Variants in DNAL1 observed in about 807,000 individuals in gnomAD.
DNAL1 encodes chromosome 14 open reading frame 168.
In DNAL1, 17 loss-of-function variants were observed where a neutral mutation model predicts 29.4. The ratio of observed to expected loss-of-function variants is 0.58; its 90% CI spans 0.40 to 0.87. The LOEUF (loss-of-function observed/expected upper bound fraction) is 0.87. DNAL1 is among the 40% of genes least tolerant of loss of function. The probability of loss-of-function intolerance (pLI) is 0.00; values close to 1 mark genes in which losing one functional copy is unlikely to be tolerated. For missense variants in DNAL1, 188 were observed against 214.1 expected (o/e 0.88, Z 0.76); for synonymous variants, 78 against 76.3 (o/e 1.02, Z -0.12).
intron 1 of DNAL1, among the ~76,000 whole-genome samples, chr14:73,649,187 G>A (rs1477668244): frequency 6.6e-6 from 1 of 151,768 alleles, no homozygotes; most frequent in African/African-American, 2.4e-5. Context: ...TGTTGACCAG[G>A]CTGGTCTCGA....
rs1555403337 is a variant in DNAL1, at chr14:73,691,856, C to CCCG, written c.532+2343_532+2344insGCC. 1.4e-5 allele frequency among the ~76,000 whole-genome samples: 2 copies of CCCG among 147,466 alleles called. 1 individual carries two copies. The highest frequency in any genetic ancestry group is 5.1e-5 in the African/African-American group (2 of 39,552). On this transcript the variant is annotated intron_variant, in intron 7 of 7. Transcript: ENST00000553645. ...CTACAGGCGTGCGCCACCCCCCCCC[C>CCCG]CCAGCTAATTTTTGTATTTTTAGTA...
chr14:73,691,716 T>TA (rs1230667486), intron 7 of DNAL1, among the ~76,000 whole-genome samples: 1 of 152,038 alleles, frequency 6.6e-6, no homozygotes, highest in Non-Finnish European at 1.5e-5. Context: ...TTCTTTTTTT[T>TA]AGAGTCTGGC....
intron 2 of DNAL1, 73 bp from the exon 3 acceptor site, chr14:73,658,774 T>C: frequency 9.0e-7 from 1 of 1,113,782 alleles, no homozygotes; most frequent in Non-Finnish European, 1.3e-6. Context: ...GGAAAAGCCT[T>C]AGGAAATTCT....
At chr14:73,691,030 T>C (rs1892160339) in intron 7 of DNAL1, among the ~76,000 whole-genome samples, 1 of 152,168 alleles carries the variant, frequency 6.6e-6, no homozygotes, top group Admixed American at 6.5e-5. Context: ...AAGTCCCAGC[T>C]CCTCCACTTA....
intron 1 of DNAL1, among the ~76,000 whole-genome samples, chr14:73,650,971 C>G (rs895570845): frequency 1.4e-5 from 2 of 147,242 alleles, no homozygotes; most frequent in African/African-American, 5.4e-5. Context: ...AAATGTAGAA[C>G]TTTATCAAGT....
chr14:73,658,911 C>G lies in DNAL1; in HGVS notation c.107C>G (p.Pro36Arg). The G allele has an allele frequency of 6.3e-7, 1 of 1,581,308 alleles. No individual in the cohort carries two copies. Among genetic ancestry groups the G allele is most frequent in the Non-Finnish European group, 8.6e-7 (1 of 1,163,244 alleles). The change falls in exon 3 of 8, where the codon CCT becomes CGT. Residue 36 changes from proline to arginine, a missense_variant. Physicochemically the swap from Pro to Arg is moderately radical, Grantham distance 103. Transcript: ENST00000553645. ...KEIKLYAQIP[P>R]IEKMDASLSM... Reference sequence around the variant, plus strand: ...ATAAAACTTTATGCCCAGATTCCCCCTATAGAGAAGATGGATGCATCCTTG... The same window carrying G: ...ATAAAACTTTATGCCCAGATTCCCCGTATAGAGAAGATGGATGCATCCTTG...
intron 7 of DNAL1, among the ~76,000 whole-genome samples, chr14:73,693,253 T>C (rs1389739286): frequency 1.4e-5 from 2 of 146,508 alleles, no homozygotes; most frequent in Admixed American, 6.8e-5. Flanking sequence ...ATAACCACTT[T>C]GGGAAATTGG....
At chr14:73,655,302 G>A (rs1211301338) in intron 2 of DNAL1, among the ~76,000 whole-genome samples, 1 of 151,346 alleles carries the variant, frequency 6.6e-6, no homozygotes, top group East Asian at 1.9e-4. Context: ...CTATAAAATT[G>A]CTGGAATTTC....
chr14:73,689,618 G>A, intron 7 of DNAL1, 103 bp downstream of exon 7: 1 of 1,477,212 alleles, frequency 6.8e-7, no homozygotes, highest in East Asian at 2.5e-5. Context: ...AAATACCTCT[G>A]ATCTTCCAGG....
At chr14:73,691,580 G>C (rs1386167581) in intron 7 of DNAL1, among the ~76,000 whole-genome samples, 2 of 152,032 alleles carry the variant, frequency 1.3e-5, no homozygotes, top group African/African-American at 4.8e-5. Context: ...AATTATTTTA[G>C]ATTTTAACTC....
chr14:73,694,237 T>TATAA (rs56225198), intron 7 of DNAL1, among the ~76,000 whole-genome samples: 31,785 of 127,778 alleles, frequency 0.25, 4,239 homozygotes, highest in Non-Finnish European at 0.28. Flanking sequence ...AAGCCCTGTC[T>TATAA]ATAAATAAAT....
chr14:73,679,827 T>C (rs1308642455), intron 5 of DNAL1, among the ~76,000 whole-genome samples: 1 of 152,022 alleles, frequency 6.6e-6, no homozygotes, highest in East Asian at 1.9e-4. Flanking sequence ...TCTATACTCT[T>C]AATTCATCTG....
intron 1 of DNAL1, among the ~76,000 whole-genome samples, chr14:73,648,403 C>CATATATATATATATAT (rs149075024): frequency 0.057 from 4,969 of 86,592 alleles, 623 homozygotes; most frequent in Non-Finnish European, 0.072. Context: ...CACCTCATTT[C>CATATATATATATATAT]ATATATATAT....
At position 73,702,546 on chromosome 14, in the gene DNAL1, C is replaced by G. The variant is rs754646631; in HGVS notation, c.*6604C>G. On this transcript the variant is annotated 3_prime_UTR_variant, in exon 8 of 8. Coordinates refer to ENST00000553645, the MANE Select transcript of DNAL1 (RefSeq NM_031427.4). ...GGCACTATTTCAAATTATTAGGCTTCTGGAAAGAGTGCTTCCAGGGACAGC... is the reference window on the plus strand; with the variant it reads ...GGCACTATTTCAAATTATTAGGCTTGTGGAAAGAGTGCTTCCAGGGACAGC... 9 of 152,068 alleles carry G rather than the reference C, an allele frequency of 5.9e-5. No homozygotes were observed. The highest frequency in any genetic ancestry group is 1.3e-4 in the Non-Finnish European group (9 of 68,018). 9.4% of individuals were successfully genotyped at this position (152,068 alleles called of 1,614,324 possible).
rs1555402397 is a variant in DNAL1, at chr14:73,677,884, T to TATTTGTGTGTGTG, written c.264+6287_264+6288insATTTGTGTGTGTG. ...TATATTTATATATATATATATATAT[T>TATTTGTGTGTGTG]TGTGTGTGTGTGTGTGTGTGTGTGT... On this transcript the variant is annotated intron_variant, in intron 5 of 7. Transcript: ENST00000553645. Among the ~76,000 whole-genome samples the TATTTGTGTGTGTG allele has an allele frequency of 3.3e-3, 319 of 96,110 alleles. 1 individual carries two copies. Among genetic ancestry groups the TATTTGTGTGTGTG allele is most frequent in the Non-Finnish European group, 5.9e-3 (264 of 45,118 alleles). 63.1% of individuals were successfully genotyped at this position (96,110 alleles called of 152,430 possible). A position where few individuals can be genotyped will look rare whatever the true frequency, so the allele number is the denominator to read the frequency against.
intron 5 of DNAL1, among the ~76,000 whole-genome samples, chr14:73,672,200 A>G (rs1891629820): frequency 6.6e-6 from 1 of 152,198 alleles, no homozygotes; most frequent in African/African-American, 2.4e-5. Context: ...TCAGAGGTGC[A>G]ATTTTGGAAT....
chr14:73,701,499 T>A lies in DNAL1; in HGVS notation c.*5557T>A, dbSNP rs1892436274. The stretch of plus-strand genomic sequence containing the variant: ...GGGATGTGTCAAGTAGTTCTCCTAC[T>A]CAGAATAGAAGCTTTGCGAATTATC... On this transcript the variant is annotated 3_prime_UTR_variant, in exon 8 of 8. Coordinates refer to ENST00000553645, the MANE Select transcript of DNAL1 (RefSeq NM_031427.4). The A allele has an allele frequency of 6.6e-6, 1 of 152,244 alleles. No individual in the cohort carries two copies. Among genetic ancestry groups the A allele is most frequent in the South Asian group, 2.1e-4 (1 of 4,834 alleles). 9.4% of individuals were successfully genotyped at this position (152,244 alleles called of 1,614,324 possible).
intron 6 of DNAL1, 118 bp downstream of exon 6, chr14:73,687,503 A>C: frequency 8.4e-7 from 1 of 1,191,694 alleles, no homozygotes; most frequent in Non-Finnish European, 1.1e-6. Flanking sequence ...AAGTGGAAAC[A>C]TTTATGGCTA....
Position 73,658,949 on chromosome 14 carries a change from A to C in DNAL1, c.145A>C (p.Asn49His). The change falls in exon 3 of 8, where the codon AAT (asparagine) becomes CAT (histidine). Residue 49 changes from asparagine (N) to histidine (H), a missense_variant. Transcript: ENST00000553645. ...GGATGCATCCTTGTCCATGCTTGCT[A>C]ATTGCGAGTAAGTTCTCTTTTCATC... is the stretch of plus-strand genomic sequence containing the variant. ...KMDASLSMLA[N>H]CEKLSLSTNC... 1 of 1,491,856 alleles carries C rather than the reference A, an allele frequency of 6.7e-7. No individual in the cohort carries two copies. Among genetic ancestry groups the C allele is most frequent in the Non-Finnish European group, 9.0e-7 (1 of 1,115,566 alleles). The allele number at this position is 1,491,856 out of a possible 1,614,324, so 92.4% of individuals were successfully genotyped here.
Sources: gnomAD v4.1 joint callset for allele counts (sites outside exome capture counted in the v4.1 genomes callset) on GRCh38, gnomAD v4.1.1 for gene constraint, MANE v1.5 for transcripts, NCBI Gene and HGNC (gene_info 2026-07-23, HGNC 2026-07-21) for gene names.